LRP1B: variants seen among roughly 807,000 people sequenced by gnomAD.
The protein encoded by LRP1B is LDL receptor related protein 1B.
LRP1B carries 217 observed loss-of-function variants against 556.6 expected under a neutral mutation model. The ratio of observed to expected loss-of-function variants is 0.39; its 90% CI spans 0.35 to 0.44. The LOEUF is 0.44. Among genes scored for constraint, LRP1B ranks in the 20% least tolerant of loss-of-function variants. LRP1B has a pLI of 1.00. For synonymous variants in LRP1B, 2,047 were observed against 1,865.8 expected, an observed-to-expected ratio of 1.10 and a Z score of -2.50; for missense variants, 5,053 against 5,620.8, an observed-to-expected ratio of 0.90 and a Z score of 3.23.
chr2:141,290,956 A>G (rs867096590), intron 3 of LRP1B, among the ~76,000 whole-genome samples: 4 of 152,150 alleles, frequency 2.6e-5, no homozygotes, highest in Admixed American at 6.5e-5. Flanking sequence ...ATTCAAGTGT[A>G]TAAGATATGT....
chr2:141,632,934 C>T (rs1688968506), intron 2 of LRP1B, among the ~76,000 whole-genome samples: 1 of 150,838 alleles, frequency 6.6e-6, no homozygotes, highest in Non-Finnish European at 1.5e-5. Context: ...TTTTCCATGC[C>T]ATAATGTAGG....
At chr2:141,940,531 G>A (rs76661199) in intron 1 of LRP1B, among the ~76,000 whole-genome samples, 3 of 152,070 alleles carry the variant, frequency 2.0e-5, no homozygotes, top group South Asian at 2.1e-4. Context: ...TTTAGATATC[G>A]GAAACAGACA....
At chr2:140,873,318 A>G (rs1297379102) in intron 25 of LRP1B, among the ~76,000 whole-genome samples, 2 of 152,116 alleles carry the variant, frequency 1.3e-5, no homozygotes, top group Non-Finnish European at 2.9e-5. Flanking sequence ...TTTTAATAAA[A>G]ACAGCTGCAT....
chr2:142,089,488 G>A (rs1706078670), intron 1 of LRP1B, among the ~76,000 whole-genome samples: 1 of 152,128 alleles, frequency 6.6e-6, no homozygotes, highest in Non-Finnish European at 1.5e-5. Flanking sequence ...TAGCATGTGG[G>A]AATAAAAGTA....
intron 1 of LRP1B, among the ~76,000 whole-genome samples, chr2:141,854,737 G>T (rs926137353): frequency 3.9e-5 from 6 of 152,052 alleles, no homozygotes; most frequent in Non-Finnish European, 8.8e-5. Flanking sequence ...AATGGATTGT[G>T]TATAAATACA....
At chr2:140,917,913 T>C (rs1481540359) in intron 21 of LRP1B, among the ~76,000 whole-genome samples, 2 of 152,098 alleles carry the variant, frequency 1.3e-5, no homozygotes, top group African/African-American at 4.8e-5. Context: ...GTGCAGTATA[T>C]TGACAGTAAA....
rs1170727708 is a variant in LRP1B at position 140,456,498 on chromosome 2, G to T, written c.9920C>A (p.Ala3307Glu). Residue 3307 changes from alanine (A) to glutamate (E), a missense_variant, in exon 62 of 91, where the codon GCA becomes GAA. Coordinates refer to ENST00000389484, the MANE Select transcript of LRP1B (RefSeq NM_018557.3). The stretch of plus-strand genomic sequence containing the variant: ...GGATAAGCAAGTCCTATTATCAGCT[G>T]CCAGATAGAAGTTAGTGGGACATGC... Reference protein sequence around the residue: ...TCACPTNFYLAADNRTCLSNC... With the variant: ...TCACPTNFYLEADNRTCLSNC... 2 of 1,613,294 alleles carry T rather than the reference G, an allele frequency of 1.2e-6. No individual in the cohort carries two copies. The highest frequency in any genetic ancestry group is 2.7e-5 in the African/African-American group (2 of 74,928).
At chr2:141,761,801 A>G (rs1306979110) in intron 2 of LRP1B, among the ~76,000 whole-genome samples, 1 of 152,122 alleles carries the variant, frequency 6.6e-6, no homozygotes, top group Non-Finnish European at 1.5e-5. Flanking sequence ...AGGCCAATCT[A>G]ATATTGAAAC....
intron 32 of LRP1B, among the ~76,000 whole-genome samples, chr2:140,786,523 C>A (rs776745036): frequency 1.1e-4 from 17 of 152,178 alleles, no homozygotes; most frequent in Admixed American, 3.9e-4. Context: ...CAGCTCTCTG[C>A]AGTTTGTCTG....
intron 2 of LRP1B, among the ~76,000 whole-genome samples, chr2:141,715,539 T>G (rs1318858639): frequency 1.3e-5 from 2 of 151,774 alleles, no homozygotes; most frequent in African/African-American, 4.8e-5. Context: ...AGCCGGCCAG[T>G]TGTGGTGGCT....
intron 5 of LRP1B, among the ~76,000 whole-genome samples, chr2:141,237,158 GACA>G (rs983006010): frequency 1.3e-5 from 2 of 152,076 alleles, no homozygotes; most frequent in East Asian, 1.9e-4. Context: ...TTGTATTGTG[GACA>G]ACGAGTGACA....
At chr2:142,034,065 C>T (rs1574616888) in intron 1 of LRP1B, among the ~76,000 whole-genome samples, 1 of 151,680 alleles carries the variant, frequency 6.6e-6, no homozygotes, top group Non-Finnish European at 1.5e-5. Context: ...TTGCATTTCC[C>T]ACGTGACCAC....
At chr2:142,060,278 T>TGA (rs1472832624) in intron 1 of LRP1B, among the ~76,000 whole-genome samples, 1 of 152,058 alleles carries the variant, frequency 6.6e-6, no homozygotes, top group Non-Finnish European at 1.5e-5. Flanking sequence ...CTGTTAGATC[T>TGA]GAGAGTTTTT....
At chr2:140,550,841 C>T (rs1680521772) in intron 43 of LRP1B, among the ~76,000 whole-genome samples, 1 of 152,120 alleles carries the variant, frequency 6.6e-6, no homozygotes, top group African/African-American at 2.4e-5. Flanking sequence ...GTGTCCCCTT[C>T]CCGCAAATTC....
At chr2:140,680,598 G>A (rs906133939) in intron 41 of LRP1B, among the ~76,000 whole-genome samples, 13 of 152,272 alleles carry the variant, frequency 8.5e-5, no homozygotes, top group African/African-American at 3.1e-4. Context: ...CTCATTAATT[G>A]ATGCTATTTT....
chr2:140,859,785 G>A (rs1441208313), intron 27 of LRP1B, among the ~76,000 whole-genome samples: 1 of 151,972 alleles, frequency 6.6e-6, no homozygotes, highest in East Asian at 1.9e-4. Flanking sequence ...ATGAGGTCAG[G>A]AGATCGAGAC....
At chr2:141,394,057 C>A (rs540698245) in intron 3 of LRP1B, among the ~76,000 whole-genome samples, 2 of 152,082 alleles carry the variant, frequency 1.3e-5, no homozygotes, top group African/African-American at 4.8e-5. Context: ...TATACTATGT[C>A]CCTGACTTAA....
intron 1 of LRP1B, among the ~76,000 whole-genome samples, chr2:142,101,570 T>C (rs1359504109): frequency 1.3e-5 from 2 of 152,006 alleles, no homozygotes; most frequent in Non-Finnish European, 2.9e-5. Context: ...ATGAAGCTAT[T>C]ACTTAAGGTA....
At chr2:141,487,409 C>G (rs1683160616) in intron 2 of LRP1B, among the ~76,000 whole-genome samples, 1 of 152,144 alleles carries the variant, frequency 6.6e-6, no homozygotes, top group African/African-American at 2.4e-5. Flanking sequence ...TGGCTAATTT[C>G]TACTTCCTCT....
Sources: allele counts gnomAD v4.1 joint callset (sites outside exome capture counted in the v4.1 genomes callset), GRCh38; gene constraint gnomAD v4.1.1; transcripts MANE v1.5; gene names NCBI Gene and HGNC (gene_info 2026-07-23, HGNC 2026-07-21).